The following RBP2 variants were observed in gnomAD, a reference collection of about 807,000 sequenced individuals.
RBP2 encodes the protein retinol binding protein 2.
RBP2 carries 17 observed loss-of-function variants against 17.0 expected under a neutral mutation model. The observed-to-expected ratio is 1.00, with a 90% confidence interval of 0.68 to 1.50. The LOEUF is 1.50. RBP2 is among the 40% of genes most tolerant of loss of function. The probability of loss-of-function intolerance (pLI) is 0.00; values close to 1 mark genes in which losing one functional copy is unlikely to be tolerated. For missense variants in RBP2, 158 were observed against 168.2 expected, an observed-to-expected ratio of 0.94 and a Z score of 0.33; for synonymous variants, 48 against 57.1, an observed-to-expected ratio of 0.84 and a Z score of 0.72.
At chr3:139,475,568 C>T (rs1015215391) in intron 1 of RBP2, among the ~76,000 whole-genome samples, 7 of 152,070 alleles carry the variant, frequency 4.6e-5, no homozygotes, top group Admixed American at 1.3e-4. Context: ...GAAGTTCCAG[C>T]GAAGTTACCC....
chr3:139,473,966 T>C (rs766056229), intron 1 of RBP2, among the ~76,000 whole-genome samples: 16 of 152,202 alleles, frequency 1.1e-4, no homozygotes, highest in Non-Finnish European at 1.8e-4. Context: ...TGGGTTTACC[T>C]AGTAGTACCA....
intron 2 of RBP2, among the ~76,000 whole-genome samples, chr3:139,460,876 G>A (rs956140178): frequency 2.0e-5 from 3 of 152,198 alleles, no homozygotes; most frequent in African/African-American, 4.8e-5. Context: ...GGGAAAGGAT[G>A]CTTTGAATAT....
At chr3:139,454,055 G>C (rs1943355355) in intron 3 of RBP2, among the ~76,000 whole-genome samples, 1 of 152,180 alleles carries the variant, frequency 6.6e-6, no homozygotes, top group Admixed American at 6.5e-5. Context: ...TGAATGAAGA[G>C]CCATTCACTG....
At chr3:139,459,046 C>A (rs1933088457) in intron 2 of RBP2, among the ~76,000 whole-genome samples, 1 of 152,154 alleles carries the variant, frequency 6.6e-6, no homozygotes, top group African/African-American at 2.4e-5. Flanking sequence ...TGGCATAGAA[C>A]TGGGCACTAC....
At chr3:139,468,153 A>G (rs982996979) in intron 1 of RBP2, among the ~76,000 whole-genome samples, 1 of 152,232 alleles carries the variant, frequency 6.6e-6, no homozygotes, top group African/African-American at 2.4e-5. Flanking sequence ...TTAGAACTGA[A>G]GTGTTCCTCT....
chr3:139,459,970 G>C (rs1003399614), intron 2 of RBP2, among the ~76,000 whole-genome samples: 1 of 152,154 alleles, frequency 6.6e-6, no homozygotes, highest in Non-Finnish European at 1.5e-5. Flanking sequence ...ATGGAACACG[G>C]AGAGACAGAA....
At chr3:139,472,240 A>G (rs1933592617) in intron 1 of RBP2, among the ~76,000 whole-genome samples, 1 of 152,184 alleles carries the variant, frequency 6.6e-6, no homozygotes, top group South Asian at 2.1e-4. Context: ...TGATACCCAT[A>G]GCCCCTTTGA....
chr3:139,453,023 G>A lies in RBP2; in HGVS notation c.*93C>T. The A allele has an allele frequency of 6.9e-7, 1 of 1,448,170 alleles. No homozygotes were observed. 89.7% of individuals were successfully genotyped at this position (1,448,170 alleles called of 1,614,324 possible). A position where few individuals can be genotyped will look rare whatever the true frequency, so the allele number is the denominator to read the frequency against. ...ATGCCTTAATGGGGCTCTGTCAAGA[G>A]TGGGAAGGTCCCCACAGCTGTTTCT... On this transcript the variant is annotated 3_prime_UTR_variant, in exon 4 of 4. Transcript: ENST00000232217.
At chr3:139,464,261 A>T (rs916069729) in intron 1 of RBP2, among the ~76,000 whole-genome samples, 2 of 152,138 alleles carry the variant, frequency 1.3e-5, no homozygotes, top group African/African-American at 4.8e-5. Context: ...GGAGTTCAAG[A>T]CCAGCCTGGC....
At chr3:139,459,465 T>A (rs1933110761) in intron 2 of RBP2, among the ~76,000 whole-genome samples, 1 of 146,226 alleles carries the variant, frequency 6.8e-6, no homozygotes, top group Admixed American at 6.9e-5. Flanking sequence ...TATAAATATA[T>A]ATATATATTT....
chr3:139,458,664 A>T (rs894694663), intron 2 of RBP2, among the ~76,000 whole-genome samples: 2 of 152,002 alleles, frequency 1.3e-5, no homozygotes, highest in African/African-American at 2.4e-5. Flanking sequence ...TTCTCTCTCT[A>T]TGAATTTGCC....
chr3:139,473,480 C>A (rs944734465), intron 1 of RBP2, among the ~76,000 whole-genome samples: 2 of 152,268 alleles, frequency 1.3e-5, no homozygotes, highest in Admixed American at 6.5e-5. Context: ...TATTAGAAAT[C>A]GATGATTCTT....
intron 2 of RBP2, among the ~76,000 whole-genome samples, chr3:139,459,969 G>A (rs551878762): frequency 6.6e-6 from 1 of 152,208 alleles, no homozygotes; most frequent in South Asian, 2.1e-4. Context: ...AATGGAACAC[G>A]GAGAGACAGA....
At chr3:139,472,725 C>G (rs1305064850) in intron 1 of RBP2, among the ~76,000 whole-genome samples, 2 of 152,174 alleles carry the variant, frequency 1.3e-5, no homozygotes, top group Non-Finnish European at 2.9e-5. Flanking sequence ...ACCCAGTCAG[C>G]CCCCAGAACC....
chr3:139,454,478 C>A (rs1943361135), intron 3 of RBP2, among the ~76,000 whole-genome samples: 1 of 152,200 alleles, frequency 6.6e-6, no homozygotes, highest in African/African-American at 2.4e-5. Flanking sequence ...CTCCTTGGAT[C>A]TCTGCTTCCT....
intron 1 of RBP2, among the ~76,000 whole-genome samples, chr3:139,462,825 T>C (rs187007099): frequency 5.0e-4 from 76 of 152,204 alleles, no homozygotes; most frequent in Non-Finnish European, 2.5e-4. Flanking sequence ...GCCCCCAGTA[T>C]AGATTTGTTT....
intron 1 of RBP2, among the ~76,000 whole-genome samples, chr3:139,473,404 CT>C (rs1933626406): frequency 6.6e-6 from 1 of 152,178 alleles, no homozygotes; most frequent in Admixed American, 6.5e-5. Context: ...TAGAGTTGCT[CT>C]TTCCTTACTG....
At chr3:139,475,273 C>G (rs1933698062) in intron 1 of RBP2, among the ~76,000 whole-genome samples, 1 of 145,550 alleles carries the variant, frequency 6.9e-6, no homozygotes, top group Non-Finnish European at 1.5e-5. Flanking sequence ...GAGCTGAGAT[C>G]GCGCCACTGC....
intron 3 of RBP2, 22 bp from the exon 4 acceptor site, chr3:139,453,188 G>A (rs200506281): frequency 1.2e-6 from 2 of 1,613,902 alleles, no homozygotes; most frequent in Middle Eastern, 3.3e-4. Flanking sequence ...GAAAGTGGGT[G>A]AGGGTCTAAC....
Sources: gnomAD v4.1 joint callset for allele counts (sites outside exome capture counted in the v4.1 genomes callset) on GRCh38, gnomAD v4.1.1 for gene constraint, MANE v1.5 for transcripts, NCBI Gene and HGNC (gene_info 2026-07-23, HGNC 2026-07-21) for gene names.